EML6: variants seen among roughly 807,000 people sequenced by gnomAD.
EML6 encodes the protein EMAP like 6.
In EML6, 154 loss-of-function variants were observed where a neutral mutation model predicts 240.1. The observed-to-expected ratio is 0.64, with a 90% CI of 0.56 to 0.73. The LOEUF (loss-of-function observed/expected upper bound fraction) is 0.73, where lower values mean the gene tolerates loss of function less well. Ranked by LOEUF, EML6 falls within the 30% of genes least tolerant of loss-of-function variation. The probability of loss-of-function intolerance (pLI) is 0.00; values close to 1 mark genes in which losing one functional copy is unlikely to be tolerated. For missense variants in EML6, 2,964 were observed against 2,474.6 expected (o/e 1.20, Z -4.20); for synonymous variants, 1,148 against 899.0 (o/e 1.28, Z -4.95).
intron 2 of EML6, among the ~76,000 whole-genome samples, chr2:54,761,174 A>G (rs566935984): frequency 5.3e-5 from 8 of 152,154 alleles, no homozygotes; most frequent in Non-Finnish European, 1.2e-4. Flanking sequence ...TCATCTGAGA[A>G]TATGATTTTA....
chr2:54,916,374 C>T (rs536628127), intron 25 of EML6, among the ~76,000 whole-genome samples: 15 of 152,322 alleles, frequency 9.8e-5, no homozygotes, highest in East Asian at 5.8e-4. Context: ...CATCCTGACA[C>T]GCACAGGACA....
At position 54,827,806 on chromosome 2, in the gene EML6, C is replaced by T. The variant is rs770701510; in HGVS notation, c.711+55C>T. 9.8e-5 allele frequency: 121 copies of T among 1,230,646 alleles called. 1 individual carries two copies. Among genetic ancestry groups the T allele is most frequent in the Non-Finnish European group, 1.3e-4 (112 of 861,122 alleles). The allele number at this position is 1,230,646 out of a possible 1,614,324, so 76.2% of individuals were successfully genotyped here. ...TGACCTACCAAATAAGGTAAGACCA[C>T]GAATCCCTCCCTGTATGTTTCCCTT... On this transcript the variant is annotated intron_variant, in intron 6 of 41. Transcript: ENST00000356458.
intron 2 of EML6, among the ~76,000 whole-genome samples, chr2:54,731,232 T>C (rs1323677728): frequency 6.6e-6 from 1 of 152,190 alleles, no homozygotes; most frequent in Admixed American, 6.5e-5. Flanking sequence ...CTCATCCAGG[T>C]CATTAATGCC....
At chr2:54,962,815 G>A in intron 36 of EML6, 104 bp downstream of exon 36, 1 of 916,654 alleles carries the variant, frequency 1.1e-6, no homozygotes, top group Non-Finnish European at 1.5e-6. Flanking sequence ...AGACGGGGAT[G>A]GGGCCAGGTA....
intron 21 of EML6, among the ~76,000 whole-genome samples, chr2:54,898,806 G>C (rs904798469): frequency 3.9e-5 from 6 of 152,172 alleles, no homozygotes; most frequent in Non-Finnish European, 8.8e-5. Flanking sequence ...AATCTGGTCT[G>C]TTTTATTGCT....
chr2:54,912,259 A>C (rs375159180), intron 25 of EML6, among the ~76,000 whole-genome samples: 1 of 152,100 alleles, frequency 6.6e-6, no homozygotes, highest in Admixed American at 6.5e-5. Flanking sequence ...CCCCTCCCCA[A>C]TTCCAATTTA....
intron 25 of EML6, among the ~76,000 whole-genome samples, chr2:54,913,079 T>G (rs982035789): frequency 6.6e-6 from 1 of 151,490 alleles, no homozygotes; most frequent in African/African-American, 2.4e-5. Context: ...CTGTTTTTTT[T>G]TTTTTTTTTT....
chr2:54,895,175 C>G, intron 20 of EML6, 98 bp from the exon 21 acceptor site: 1 of 1,376,694 alleles, frequency 7.3e-7, no homozygotes, highest in Non-Finnish European at 1.0e-6. Flanking sequence ...TCAAGGCTGA[C>G]TGCCTAGTAC....
intron 2 of EML6, chr2:54,747,491 T>C (rs990350194): frequency 6.6e-5 from 10 of 152,188 alleles, no homozygotes; most frequent in South Asian, 2.1e-4. Context: ...TAATGGGACA[T>C]TTTGTGAAAT....
chr2:54,947,222 C>T (rs1675736778), intron 28 of EML6, among the ~76,000 whole-genome samples: 1 of 152,066 alleles, frequency 6.6e-6, no homozygotes. Context: ...TTGAAAGTCC[C>T]ACTAAAACAG....
chr2:54,816,460 G>C (rs1668086086), intron 3 of EML6, among the ~76,000 whole-genome samples: 1 of 152,090 alleles, frequency 6.6e-6, no homozygotes. Flanking sequence ...AAAATTTTAA[G>C]TTAAAAATTC....
chr2:54,847,436 G>T, intron 8 of EML6, 50 bp from the exon 9 acceptor site: 1 of 1,536,534 alleles, frequency 6.5e-7, no homozygotes, highest in South Asian at 1.2e-5. Context: ...GCTGGCCGAT[G>T]ACCATGGGAA....
At position 54,954,101 on chromosome 2, in the gene EML6, G is replaced by T; in HGVS notation, c.4431G>T (p.Leu1477=). ...YINFSATGKL[L]VSVGVDPEHT... ...ACTTCAGTGCAACTGGAAAGCTCCT[G>T]GTGTCGGTGGGAGTGGACCCTGAGC... is the stretch of plus-strand genomic sequence containing the variant. The change falls in exon 32 of 42, where the codon CTG becomes CTT. Residue 1477 remains leucine (L), a synonymous_variant. Transcript: ENST00000356458. 6.4e-7 allele frequency: 1 copy of T among 1,551,712 alleles called. No homozygotes were observed.
At chr2:54,817,630 C>G (rs1018697088) in intron 4 of EML6, among the ~76,000 whole-genome samples, 2 of 152,184 alleles carry the variant, frequency 1.3e-5, no homozygotes, top group Non-Finnish European at 1.5e-5. Flanking sequence ...AACACCAACA[C>G]TAATGATAGC....
At chr2:54,913,871 C>T (rs531324813) in intron 25 of EML6, among the ~76,000 whole-genome samples, 3 of 152,316 alleles carry the variant, frequency 2.0e-5, no homozygotes, top group South Asian at 2.1e-4. Context: ...CGTTCTTCTG[C>T]ATACGGCTAG....
chr2:54,832,811 C>G (rs1054373101), intron 7 of EML6, among the ~76,000 whole-genome samples: 1 of 151,994 alleles, frequency 6.6e-6, no homozygotes, highest in Non-Finnish European at 1.5e-5. Context: ...CTCTTTGCCT[C>G]AAACAAACCA....
chr2:54,917,151 G>A (rs1401898074), intron 26 of EML6, among the ~76,000 whole-genome samples: 1 of 152,058 alleles, frequency 6.6e-6, no homozygotes, highest in Non-Finnish European at 1.5e-5. Context: ...GCCTTCAGTG[G>A]TCACCAAATC....
In EML6 at chr2:54,725,003, C is replaced by T. The variant is rs541484635; in HGVS notation, c.-59C>T. The T allele has an allele frequency of 1.4e-5, 19 of 1,378,116 alleles. No individual in the cohort carries two copies. The highest frequency in any genetic ancestry group is 7.3e-5 in the Admixed American group (2 of 27,414). The allele number at this position is 1,378,116 out of a possible 1,614,324, so 85.4% of individuals were successfully genotyped here. ...CCCTGCAGGTCCGCCGCAGCCCCAG[C>T]CTCGGCGAGGACGGCCCCGGCGCGC... On this transcript the variant is annotated 5_prime_UTR_variant, in exon 2 of 42. Coordinates refer to ENST00000356458, the MANE Select transcript of EML6 (RefSeq NM_001039753.4). This position sits in a 1 kb window ranked among gnomAD's most constrained non-coding sequence, Gnocchi z 4.3.
intron 34 of EML6, 92 bp from the exon 35 acceptor site, chr2:54,960,128 C>A: frequency 1.0e-6 from 1 of 966,170 alleles, no homozygotes; most frequent in Non-Finnish European, 1.6e-6. Context: ...TGGCCAGAAC[C>A]CTGATGACTG....
Sources: gnomAD v4.1 joint callset for allele counts (sites outside exome capture counted in the v4.1 genomes callset) on GRCh38, gnomAD v4.1.1 for gene constraint, Gnocchi (gnomAD v3.1) non-coding constraint, MANE v1.5 for transcripts, NCBI Gene and HGNC (gene_info 2026-07-23, HGNC 2026-07-21) for gene names.